Variants in CPB1 observed in about 807,000 individuals in gnomAD.
The protein encoded by CPB1 is carboxypeptidase B1.
Under a neutral mutation model 51.4 loss-of-function variants are expected in CPB1, and 53 were observed. The observed-to-expected ratio is 1.03, with a 90% CI of 0.83 to 1.30. The LOEUF (loss-of-function observed/expected upper bound fraction) is 1.30. Among genes scored for constraint, CPB1 ranks in the 50% most tolerant of loss-of-function variants. CPB1 has a pLI of 0.00. For synonymous variants in CPB1, 189 were observed against 186.9 expected, an observed-to-expected ratio of 1.01 and a Z score of -0.09; for missense variants, 494 against 516.2, an observed-to-expected ratio of 0.96 and a Z score of 0.42.
intron 2 of CPB1, among the ~76,000 whole-genome samples, chr3:148,833,425 C>T (rs989364042): frequency 3.3e-5 from 5 of 152,132 alleles, no homozygotes; most frequent in Non-Finnish European, 7.4e-5. Context: ...AACTGAGATG[C>T]CTTACAGTAT....
At position 148,840,686 on chromosome 3, in the gene CPB1, G is replaced by C; in HGVS notation, c.273G>C (p.Lys91Asn). Reference protein sequence around the residue: ...NVLKQNELQYKVLISNLRNVV... With the variant: ...NVLKQNELQYNVLISNLRNVV... ...GAACACCCACTTTGGTTCGTTGCAG[G>C]GTACTGATAAGCAACCTGAGAAATG... The change falls in exon 4 of 11, where the codon AAG becomes AAC. Residue 91 changes from lysine (K) to asparagine (N), a missense_variant and splice_region_variant. Transcript: ENST00000282957. The C allele has an allele frequency of 6.2e-7, 1 of 1,614,072 alleles. No homozygotes were observed. Among genetic ancestry groups the C allele is most frequent in the Non-Finnish European group, 8.5e-7 (1 of 1,179,950 alleles).
At position 148,840,793 on chromosome 3, in the gene CPB1, G is replaced by A. The variant is rs1344912500; in HGVS notation, c.372+8G>A. ...TACAACAAGTGGGAAACGGTATGAT[G>A]TGCACATGATTTAGACAGATATTAC... On this transcript the variant is annotated splice_region_variant and intron_variant, in intron 4 of 10. Coordinates refer to ENST00000282957, the MANE Select transcript of CPB1 (RefSeq NM_001871.3). 1 of 1,613,774 alleles carries A rather than the reference G, an allele frequency of 6.2e-7. No individual in the cohort carries two copies. Among genetic ancestry groups the A allele is most frequent in the East Asian group, 2.2e-5 (1 of 44,888 alleles).
intron 3 of CPB1, among the ~76,000 whole-genome samples, chr3:148,837,484 A>AC (rs201947470): frequency 0.029 from 4,393 of 151,140 alleles, 115 homozygotes; most frequent in East Asian, 0.12. Context: ...GTGTTAGAAA[A>AC]AAAAAAAAAA....
At chr3:148,858,967 A>G (rs1163013440) in intron 10 of CPB1, among the ~76,000 whole-genome samples, 1 of 152,202 alleles carries the variant, frequency 6.6e-6, no homozygotes, top group Non-Finnish European at 1.5e-5. Context: ...TTTATGCAAA[A>G]TACAATTTTC....
intron 9 of CPB1, among the ~76,000 whole-genome samples, chr3:148,847,180 A>G (rs1288418129): frequency 4.6e-5 from 7 of 151,808 alleles, no homozygotes; most frequent in Admixed American, 2.6e-4. Flanking sequence ...CATAACTACT[A>G]AAAGACTAAC....
chr3:148,845,079 C>T (rs903450001), intron 8 of CPB1, among the ~76,000 whole-genome samples: 75 of 152,084 alleles, frequency 4.9e-4, no homozygotes, highest in African/African-American at 1.7e-3. Flanking sequence ...TACATAAAAT[C>T]GTAATGCAAT....
intron 2 of CPB1, among the ~76,000 whole-genome samples, chr3:148,830,313 A>G (rs1312367060): frequency 6.6e-6 from 1 of 152,122 alleles, no homozygotes; most frequent in Non-Finnish European, 1.5e-5. Context: ...GTATTTTTTT[A>G]GTTATCTAAA....
At chr3:148,852,148 TCAA>T (rs1713452069) in intron 9 of CPB1, among the ~76,000 whole-genome samples, 1 of 152,254 alleles carries the variant, frequency 6.6e-6, no homozygotes, top group Non-Finnish European at 1.5e-5. Flanking sequence ...TGTAATGTCA[TCAA>T]CGAGAAAAAG....
At chr3:148,846,784 T>TGA (rs1713256975) in intron 9 of CPB1, among the ~76,000 whole-genome samples, 1 of 44,248 alleles carries the variant, frequency 2.3e-5, no homozygotes, top group Non-Finnish European at 4.8e-5. Context: ...CATATATATG[T>TGA]GTGTGTGCGT....
chr3:148,840,691 T>A lies in CPB1; in HGVS notation c.278T>A (p.Leu93Gln), dbSNP rs762800768. Reference protein sequence around the residue: ...LKQNELQYKVLISNLRNVVEA... With the variant: ...LKQNELQYKVQISNLRNVVEA... ...CCCACTTTGGTTCGTTGCAGGGTAC[T>A]GATAAGCAACCTGAGAAATGTGGTG... The change falls in exon 4 of 11, where the codon CTG becomes CAG. Residue 93 changes from leucine to glutamine, a missense_variant. Leu to Gln is a moderately radical substitution (Grantham distance 113). Coordinates refer to ENST00000282957, the MANE Select transcript of CPB1 (RefSeq NM_001871.3). 9.3e-6 allele frequency: 15 copies of A among 1,614,054 alleles called. No individual in the cohort carries two copies. The East Asian group carries it at 2.9e-4, about 31-fold the overall frequency.
chr3:148,858,160 A>G (rs1200383875), intron 10 of CPB1, among the ~76,000 whole-genome samples: 3 of 152,210 alleles, frequency 2.0e-5, no homozygotes. Flanking sequence ...TGACATTAGG[A>G]TGCACAAGGA....
chr3:148,857,460 G>T lies in CPB1; in HGVS notation c.985G>T (p.Ala329Ser). Residue 329 changes from alanine (A) to serine (S), a missense_variant, in exon 10 of 11, where the codon GCC becomes TCC. Transcript: ENST00000282957. ...KLGENNAELN[A>S]LAKATVKELA... The stretch of plus-strand genomic sequence containing the variant: ...CTTATTCCTGTTTCTTTTGCAGAAT[G>T]CCCTGGCTAAAGCTACTGTGAAAGA... 1.2e-6 allele frequency: 2 copies of T among 1,613,304 alleles called. No homozygotes were observed. Among genetic ancestry groups the T allele is most frequent in the Non-Finnish European group, 1.7e-6 (2 of 1,179,394 alleles).
At chr3:148,835,764 A>G (rs1043812425) in intron 3 of CPB1, among the ~76,000 whole-genome samples, 3 of 152,110 alleles carry the variant, frequency 2.0e-5, no homozygotes, top group African/African-American at 7.3e-5. Context: ...GTTTTGGAAG[A>G]ATGTAGCCTA....
At chr3:148,835,970 T>G (rs1052372054) in intron 3 of CPB1, among the ~76,000 whole-genome samples, 5 of 152,214 alleles carry the variant, frequency 3.3e-5, no homozygotes, top group Non-Finnish European at 7.3e-5. Flanking sequence ...TGCACATTGC[T>G]GTGTGATTGT....
At chr3:148,833,058 A>G (rs904431850) in intron 2 of CPB1, among the ~76,000 whole-genome samples, 1 of 152,110 alleles carries the variant, frequency 6.6e-6, no homozygotes, top group African/African-American at 2.4e-5. Context: ...CTTATCTTCA[A>G]TTGCCCTTCT....
chr3:148,852,637 G>A (rs563026620), intron 9 of CPB1, among the ~76,000 whole-genome samples: 1 of 152,184 alleles, frequency 6.6e-6, no homozygotes, highest in Non-Finnish European at 1.5e-5. Context: ...TTATTTATTT[G>A]GGAGAAACTC....
intron 8 of CPB1, 107 bp from the exon 9 acceptor site, chr3:148,845,317 C>T (rs1713203598): frequency 1.1e-6 from 1 of 877,636 alleles, no homozygotes; most frequent in East Asian, 2.4e-5. Flanking sequence ...TTAAGGACTC[C>T]TTGATAAGGA....
intron 6 of CPB1, among the ~76,000 whole-genome samples, chr3:148,843,750 T>G (rs1713155644): frequency 6.6e-6 from 1 of 152,180 alleles, no homozygotes; most frequent in Non-Finnish European, 1.5e-5. Context: ...TTTAATATGA[T>G]GCTGGAGCAG....
chr3:148,840,090 C>T (rs1713031393), intron 3 of CPB1, among the ~76,000 whole-genome samples: 1 of 152,146 alleles, frequency 6.6e-6, no homozygotes, highest in Non-Finnish European at 1.5e-5. Flanking sequence ...TTAACCCACC[C>T]AAAAGACAAG....
Sources: gnomAD v4.1 joint callset for allele counts (sites outside exome capture counted in the v4.1 genomes callset) on GRCh38, gnomAD v4.1.1 for gene constraint, MANE v1.5 for transcripts, NCBI Gene and HGNC (gene_info 2026-07-23, HGNC 2026-07-21) for gene names.